The following VGLL3 variants were observed in gnomAD, a reference collection of about 807,000 sequenced individuals.
VGLL3 encodes vestigial like family member 3, also known as transcription cofactor vestigial-like protein 3.
VGLL3 carries 18 observed loss-of-function variants against 29.2 expected under a neutral mutation model. That is an observed-to-expected ratio of 0.62 (90% CI 0.43 to 0.91). The LOEUF (loss-of-function observed/expected upper bound fraction) is 0.91, where lower values mean the gene tolerates loss of function less well. Ranked by LOEUF, VGLL3 falls within the 40% of genes least tolerant of loss-of-function variation. The pLI is 0.00. For missense variants in VGLL3, 440 were observed against 413.2 expected (o/e 1.06, Z -0.56); for synonymous variants, 180 against 151.8 (o/e 1.19, Z -1.36).
intron 3 of VGLL3, among the ~76,000 whole-genome samples, chr3:86,949,105 G>A (rs1320747058): frequency 6.6e-6 from 1 of 152,086 alleles, no homozygotes; most frequent in Non-Finnish European, 1.5e-5. Context: ...TCATCAAGTG[G>A]TTTGCCTGTC....
In VGLL3 at chr3:86,978,538, G is replaced by C. The variant is rs778110112; in HGVS notation, c.391C>G (p.Pro131Ala). The C allele has an allele frequency of 6.2e-7, 1 of 1,614,138 alleles. No homozygotes were observed. The highest frequency in any genetic ancestry group is 1.7e-5 in the Admixed American group (1 of 60,022). The change falls in exon 2 of 4, where the codon CCC becomes GCC. Residue 131 changes from proline (P) to alanine (A), a missense_variant. By Grantham distance (27) the Pro-to-Ala change is conservative. Transcript: ENST00000398399. ...AISKSKMGLT[P>A]LWRDSSALSS... ...TTTGAATTCTTACCTCGCCATAGGG[G>C]GGTTAGCCCCATCTTGCTTTTTGAA...
intron 3 of VGLL3, chr3:86,962,500 T>TCTA: frequency 1.0e-6 from 1 of 985,210 alleles, no homozygotes; most frequent in Non-Finnish European, 1.2e-6. Context: ...AACCTCAAAC[T>TCTA]CTACTATAAT....
chr3:86,950,787 T>A (rs1157368642), intron 3 of VGLL3, among the ~76,000 whole-genome samples: 3 of 152,240 alleles, frequency 2.0e-5, no homozygotes, highest in African/African-American at 7.2e-5. Flanking sequence ...TGTCTCTCTA[T>A]ATGTATCTTT....
chr3:86,963,346 A>G (rs1485422414), intron 3 of VGLL3, among the ~76,000 whole-genome samples: 1 of 152,236 alleles, frequency 6.6e-6, no homozygotes, highest in African/African-American at 2.4e-5. Flanking sequence ...AAAGCCACAT[A>G]TCATATAATT....
At chr3:86,961,711 G>A (rs1704846739) in intron 3 of VGLL3, among the ~76,000 whole-genome samples, 1 of 152,068 alleles carries the variant, frequency 6.6e-6, no homozygotes. Flanking sequence ...ACTATTCTAG[G>A]TGTTATCTCT....
At chr3:86,948,841 G>A (rs1704558240) in intron 3 of VGLL3, among the ~76,000 whole-genome samples, 1 of 152,002 alleles carries the variant, frequency 6.6e-6, no homozygotes, top group South Asian at 2.1e-4. Flanking sequence ...AAGGATCTGG[G>A]GTATGTCAAT....
chr3:86,942,899 C>A lies in VGLL3; in HGVS notation c.*4125G>T, dbSNP rs926198945. 6.6e-6 allele frequency: 1 copy of A among 152,052 alleles called. No homozygotes were observed. Among genetic ancestry groups the A allele is most frequent in the Admixed American group, 6.6e-5 (1 of 15,258 alleles). 9.4% of individuals were successfully genotyped at this position (152,052 alleles called of 1,614,324 possible). ...CGGATATGGATGTGAAGAGAAGAGA[C>A]CTTTGGGAGCTCAATTTAATGAACT... On this transcript the variant is annotated 3_prime_UTR_variant, in exon 4 of 4. Coordinates refer to ENST00000398399, the MANE Select transcript of VGLL3 (RefSeq NM_016206.4).
chr3:86,982,191 C>A (rs1206760077), intron 1 of VGLL3, among the ~76,000 whole-genome samples: 1 of 152,084 alleles, frequency 6.6e-6, no homozygotes, highest in Non-Finnish European at 1.5e-5. Flanking sequence ...GTTGCCCAGG[C>A]TGGAGTGCAA....
chr3:86,950,386 T>A (rs1247696796), intron 3 of VGLL3, among the ~76,000 whole-genome samples: 1 of 152,166 alleles, frequency 6.6e-6, no homozygotes, highest in South Asian at 2.1e-4. Flanking sequence ...ATTTTACAAA[T>A]GAAAAAATTT....
intron 2 of VGLL3, among the ~76,000 whole-genome samples, chr3:86,969,974 G>A (rs1488767597): frequency 6.6e-6 from 1 of 152,122 alleles, no homozygotes; most frequent in East Asian, 1.9e-4. Flanking sequence ...CAATGGCTGG[G>A]CCTCTTCATA....
chr3:86,957,216 A>T (rs1412801176), intron 3 of VGLL3, among the ~76,000 whole-genome samples: 1 of 152,200 alleles, frequency 6.6e-6, no homozygotes, highest in Non-Finnish European at 1.5e-5. Context: ...TTGTCTGCCC[A>T]ATCAATACAA....
At chr3:86,983,502 T>A (rs1705372353) in intron 1 of VGLL3, among the ~76,000 whole-genome samples, 1 of 152,148 alleles carries the variant, frequency 6.6e-6, no homozygotes, top group African/African-American at 2.4e-5. Flanking sequence ...AATGATTATC[T>A]CACTTCAACT....
chr3:86,967,698 G>A (rs1243155122), intron 3 of VGLL3, among the ~76,000 whole-genome samples: 3 of 152,068 alleles, frequency 2.0e-5, no homozygotes, highest in Non-Finnish European at 4.4e-5. Context: ...AAAGAACCTG[G>A]GACCCACTAC....
intron 3 of VGLL3, among the ~76,000 whole-genome samples, chr3:86,952,333 CTGTT>C (rs1269247619): frequency 6.6e-6 from 1 of 152,160 alleles, no homozygotes; most frequent in African/African-American, 2.4e-5. Flanking sequence ...GTTTTAGGTA[CTGTT>C]TGTTTGTCAG....
chr3:86,973,371 C>G (rs1055176837), intron 2 of VGLL3, among the ~76,000 whole-genome samples: 11 of 152,102 alleles, frequency 7.2e-5, no homozygotes, highest in Admixed American at 2.0e-4. Flanking sequence ...CTACTCAATT[C>G]TTAAGCTAAA....
chr3:86,957,700 A>T (rs1342017125), intron 3 of VGLL3, among the ~76,000 whole-genome samples: 3 of 152,182 alleles, frequency 2.0e-5, no homozygotes, highest in African/African-American at 7.2e-5. Flanking sequence ...CATCTCTGCA[A>T]ATATTAAAGA....
Position 86,968,845 on chromosome 3 carries a change from G to C in VGLL3, c.682C>G (p.Arg228Gly). Residue 228 changes from arginine (R) to glycine (G), a missense_variant, in exon 3 of 4, where the codon CGG becomes GGG. By Grantham distance (125) the Arg-to-Gly change is moderately radical. Coordinates refer to ENST00000398399, the MANE Select transcript of VGLL3 (RefSeq NM_016206.4). ...SYSHMHDVYM[R>G]HHHPHAHMHH... ...ATGTGGGCATGAGGGTGGTGGTGCC[G>C]CATGTACACGTCATGCATATGGCTG... The C allele has an allele frequency of 6.2e-7, 1 of 1,614,140 alleles. No individual in the cohort carries two copies. Among genetic ancestry groups the C allele is most frequent in the Non-Finnish European group, 8.5e-7 (1 of 1,180,028 alleles).
chr3:86,965,122 A>T (rs1475521280), intron 3 of VGLL3, among the ~76,000 whole-genome samples: 1 of 151,326 alleles, frequency 6.6e-6, no homozygotes, highest in Admixed American at 6.6e-5. Flanking sequence ...GCGCCACTGC[A>T]CTCCAGCCTG....
chr3:86,978,394 T>G lies in VGLL3; in HGVS notation c.403+132A>C, dbSNP rs1705252180. ...ATCCAGCTGTTTGTCTGAAAGAAAT[T>G]CCTCACTGTCCTTAAATATTAAAAA... On this transcript the variant is annotated intron_variant, in intron 2 of 3. Transcript: ENST00000398399. 2.8e-5 allele frequency: 29 copies of G among 1,054,470 alleles called. No individual in the cohort carries two copies. In the South Asian group the frequency reaches 4.4e-4, roughly 16 times the overall value. The allele number at this position is 1,054,470 out of a possible 1,614,324, so 65.3% of individuals were successfully genotyped here.
Sources: allele counts gnomAD v4.1 joint callset (sites outside exome capture counted in the v4.1 genomes callset), GRCh38; gene constraint gnomAD v4.1.1; transcripts MANE v1.5; gene names NCBI Gene and HGNC (gene_info 2026-07-23, HGNC 2026-07-21).